CDH2: variants seen among roughly 807,000 people sequenced by gnomAD.
The protein encoded by CDH2 is cadherin-2.
In CDH2, 17 loss-of-function variants were observed where a neutral mutation model predicts 92.0. The ratio of observed to expected loss-of-function variants is 0.18; its 90% CI spans 0.13 to 0.28. The LOEUF (loss-of-function observed/expected upper bound fraction) is 0.28. Ranked by LOEUF, CDH2 falls within the 10% of genes least tolerant of loss-of-function variation. The probability of loss-of-function intolerance (pLI) is 1.00; values close to 1 mark genes in which losing one functional copy is unlikely to be tolerated. For synonymous variants in CDH2, 419 were observed against 415.9 expected (o/e 1.01, Z -0.09); for missense variants, 862 against 1,133.1 (o/e 0.76, Z 3.44).
chr18:27,938,437 G>A (rs962724532), intron 6 of CDH2, among the ~76,000 whole-genome samples: 35 of 152,050 alleles, frequency 2.3e-4, no homozygotes, highest in African/African-American at 8.5e-4. Flanking sequence ...TCATACACTT[G>A]TATCATTGTG....
At chr18:28,011,503 A>G (rs1032249573) in intron 4 of CDH2, among the ~76,000 whole-genome samples, 6 of 152,204 alleles carry the variant, frequency 3.9e-5, no homozygotes, top group East Asian at 1.9e-4. Flanking sequence ...CAGAGAGCCC[A>G]GCTTTCAGAC....
intron 1 of CDH2, among the ~76,000 whole-genome samples, chr18:28,157,183 T>A (rs796380267): frequency 2.6e-5 from 4 of 152,298 alleles, no homozygotes; most frequent in African/African-American, 9.6e-5. Flanking sequence ...AGATGGCCAA[T>A]CATGGCTCAG....
At chr18:27,966,710 G>A (rs188615112) in intron 14 of CDH2, among the ~76,000 whole-genome samples, 1 of 152,298 alleles carries the variant, frequency 6.6e-6, no homozygotes, top group Admixed American at 6.5e-5. Flanking sequence ...AGATGAATGT[G>A]TATATAACAT....
At chr18:28,042,132 T>A (rs2013959349) in intron 2 of CDH2, among the ~76,000 whole-genome samples, 1 of 152,166 alleles carries the variant, frequency 6.6e-6, no homozygotes, top group African/African-American at 2.4e-5. Context: ...ATTTTACTAG[T>A]ACATTCTAGT....
intron 1 of CDH2, among the ~76,000 whole-genome samples, chr18:28,156,487 GAATGT>G (rs1568020466): frequency 2.8e-5 from 4 of 143,128 alleles, no homozygotes; most frequent in Admixed American, 6.8e-5. Context: ...CCCAGGTACA[GAATGT>G]CACCTTCCCA....
chr18:28,016,911 G>A (rs2013264937), intron 2 of CDH2, among the ~76,000 whole-genome samples: 2 of 151,994 alleles, frequency 1.3e-5, no homozygotes, highest in African/African-American at 4.8e-5. Flanking sequence ...CTGTTTATAT[G>A]GTGTATCACA....
At chr18:28,060,725 G>A (rs965160374) in intron 2 of CDH2, among the ~76,000 whole-genome samples, 3 of 152,096 alleles carry the variant, frequency 2.0e-5, no homozygotes, top group Admixed American at 6.6e-5. Context: ...TAGTAATCTT[G>A]TAAGATAACA....
chr18:27,999,654 TTA>T (rs141435919), intron 7 of CDH2, among the ~76,000 whole-genome samples: 1 of 150,506 alleles, frequency 6.6e-6, no homozygotes, highest in Non-Finnish European at 1.5e-5. Flanking sequence ...GCTTTTAAAT[TTA>T]TATATATATA....
At chr18:28,049,968 C>T (rs17446078) in intron 2 of CDH2, among the ~76,000 whole-genome samples, 3,360 of 152,216 alleles carry the variant, frequency 0.022, 57 homozygotes, top group Non-Finnish European at 0.029. Flanking sequence ...TTGAAATGTG[C>T]CTGCCTTCTT....
intron 1 of CDH2, among the ~76,000 whole-genome samples, chr18:28,171,979 A>C (rs1162103178): frequency 6.6e-6 from 1 of 152,100 alleles, no homozygotes; most frequent in Non-Finnish European, 1.5e-5. Context: ...TCATGACATA[A>C]AGTAATCAAT....
chr18:28,007,165 A>AAAATATATATATATATATATATAT (rs1172779200), intron 5 of CDH2, among the ~76,000 whole-genome samples: 1 of 110,458 alleles, frequency 9.1e-6, no homozygotes, highest in African/African-American at 4.4e-5. Flanking sequence ...ATAAAAAAAA[A>AAAATATATATATATATATATATAT]ATATATATAT....
intron 2 of CDH2, among the ~76,000 whole-genome samples, chr18:28,081,506 A>G (rs2014828734): frequency 6.6e-6 from 1 of 152,262 alleles, no homozygotes; most frequent in Non-Finnish European, 1.5e-5. Context: ...AGTCTTTTAT[A>G]AACTAGCTGT....
chr18:28,021,461 A>C (rs2013408092), intron 2 of CDH2, among the ~76,000 whole-genome samples: 1 of 151,450 alleles, frequency 6.6e-6, no homozygotes, highest in Admixed American at 6.6e-5. Flanking sequence ...TGATTATGGC[A>C]AAAAAAATCA....
chr18:28,067,706 G>C (rs551321403), intron 2 of CDH2, among the ~76,000 whole-genome samples: 248 of 151,992 alleles, frequency 1.6e-3, no homozygotes, highest in Non-Finnish European at 2.9e-3. Flanking sequence ...TTACTTTGTT[G>C]ACTAAAAATA....
intron 1 of CDH2, among the ~76,000 whole-genome samples, chr18:28,158,024 G>A (rs2016248570): frequency 6.6e-6 from 1 of 152,124 alleles, no homozygotes; most frequent in Non-Finnish European, 1.5e-5. Context: ...CTGTATTCAT[G>A]TACAATTAGG....
chr18:28,013,929 G>T lies in CDH2; in HGVS notation c.173-20C>A. 2 of 1,574,946 alleles carry T rather than the reference G, an allele frequency of 1.3e-6. No individual in the cohort carries two copies. Among genetic ancestry groups the T allele is most frequent in the East Asian group, 2.2e-5 (1 of 44,594 alleles). ...ACTTCACTGTAAAAGATAAGAAATA[G>T]GTCAGTTATTATAATTATACCAAAA... On this transcript the variant is annotated intron_variant, in intron 2 of 15. Coordinates refer to ENST00000269141, the MANE Select transcript of CDH2 (RefSeq NM_001792.5).
downstream of CDH2, among the ~76,000 whole-genome samples, chr18:27,949,799 AGTT>A (rs1598980216): frequency 6.6e-6 from 1 of 151,776 alleles, no homozygotes; most frequent in Non-Finnish European, 1.5e-5. Flanking sequence ...CAAAGAAAAT[AGTT>A]GTTTATTATG....
intron 2 of CDH2, among the ~76,000 whole-genome samples, chr18:28,133,236 T>C (rs904226102): frequency 2.6e-5 from 4 of 152,180 alleles, no homozygotes; most frequent in Admixed American, 2.6e-4. Context: ...TTTCCATATC[T>C]GTAACACAGG....
rs200454951 is a variant in CDH2 at position 27,992,673 on chromosome 18, C to A, written c.1326G>T (p.Gly442=). The A allele has an allele frequency of 1.2e-5, 19 of 1,612,652 alleles. No individual in the cohort carries two copies. Among genetic ancestry groups the A allele is most frequent in the African/African-American group, 2.7e-5 (2 of 74,884 alleles). The change falls in exon 9 of 16, where the codon GGG becomes GGT. Residue 442 remains glycine, a synonymous_variant. Coordinates refer to ENST00000269141, the MANE Select transcript of CDH2 (RefSeq NM_001792.5). ...CACTTACTTTGACCACGGTGACTAA[C>A]CCGTCGTTGCTGTTTGGGTCGGTCT... ...AIQTDPNSND[G]LVTVVKPIDF...
Sources: allele counts gnomAD v4.1 joint callset (sites outside exome capture counted in the v4.1 genomes callset), GRCh38; gene constraint gnomAD v4.1.1; transcripts MANE v1.5; gene names NCBI Gene and HGNC (gene_info 2026-07-23, HGNC 2026-07-21).